The following MDGA2 variants were observed in gnomAD, a reference collection of about 807,000 sequenced individuals.
MDGA2 encodes MAM domain-containing glycosylphosphatidylinositol anchor protein 2.
Under a neutral mutation model 117.8 loss-of-function variants are expected in MDGA2, and 40 were observed. The observed-to-expected ratio is 0.34, with a 90% CI of 0.26 to 0.44. MDGA2 has a LOEUF of 0.44. MDGA2 is among the 20% of genes least tolerant of loss of function. MDGA2 has a pLI of 1.00. For missense variants in MDGA2, 1,123 were observed against 1,250.6 expected (o/e 0.90, Z 1.54); for synonymous variants, 452 against 439.0 (o/e 1.03, Z -0.37).
chr14:47,174,126 A>G (rs1884319815), intron 3 of MDGA2, among the ~76,000 whole-genome samples: 1 of 152,220 alleles, frequency 6.6e-6, no homozygotes, highest in Non-Finnish European at 1.5e-5. Flanking sequence ...CACCCAATAC[A>G]GGAGCACCCA....
intron 10 of MDGA2, among the ~76,000 whole-genome samples, chr14:46,896,563 C>T (rs1230238955): frequency 1.3e-5 from 2 of 151,800 alleles, no homozygotes; most frequent in Non-Finnish European, 2.9e-5. Context: ...TTTATAATCC[C>T]AATTTTAATA....
intron 1 of MDGA2, among the ~76,000 whole-genome samples, chr14:47,570,116 T>C (rs1349022395): frequency 2.0e-5 from 3 of 152,158 alleles, no homozygotes; most frequent in Non-Finnish European, 2.9e-5. Context: ...CCAGATAAGA[T>C]GCCATAAAAT....
chr14:47,402,230 C>A (rs1170882651), intron 1 of MDGA2, among the ~76,000 whole-genome samples: 1 of 151,968 alleles, frequency 6.6e-6, no homozygotes, highest in African/African-American at 2.4e-5. Context: ...GAATGTTACA[C>A]TGGCAAACCA....
chr14:47,477,181 A>G (rs1365386535), intron 1 of MDGA2, among the ~76,000 whole-genome samples: 1 of 152,200 alleles, frequency 6.6e-6, no homozygotes, highest in Non-Finnish European at 1.5e-5. Flanking sequence ...AAATAAAAAT[A>G]ACATCCACAT....
chr14:47,544,528 G>A (rs926300754), intron 1 of MDGA2, among the ~76,000 whole-genome samples: 3 of 152,094 alleles, frequency 2.0e-5, no homozygotes, highest in South Asian at 2.1e-4. Flanking sequence ...ATGCTTCCTC[G>A]TAAGATAGTG....
At chr14:46,969,299 G>A (rs1433088214) in intron 8 of MDGA2, among the ~76,000 whole-genome samples, 1 of 152,172 alleles carries the variant, frequency 6.6e-6, no homozygotes, top group Non-Finnish European at 1.5e-5. Context: ...GGTATTTCCA[G>A]TTCTAGATCC....
At chr14:47,166,108 T>A (rs1355482522) in intron 3 of MDGA2, among the ~76,000 whole-genome samples, 3 of 148,594 alleles carry the variant, frequency 2.0e-5, no homozygotes. Context: ...TGATCCTGAC[T>A]CACTGCAACC....
intron 2 of MDGA2, among the ~76,000 whole-genome samples, chr14:47,257,753 C>A (rs1594757178): frequency 6.6e-6 from 1 of 152,140 alleles, no homozygotes; most frequent in Non-Finnish European, 1.5e-5. Flanking sequence ...ACAGGAAGAA[C>A]AGAGGAGTCT....
intron 3 of MDGA2, among the ~76,000 whole-genome samples, chr14:47,212,818 C>T (rs370702683): frequency 1.3e-5 from 2 of 152,210 alleles, no homozygotes; most frequent in African/African-American, 2.4e-5. Flanking sequence ...TAATAACTCA[C>T]GTATTTTGTA....
At chr14:46,989,522 G>T in intron 8 of MDGA2, among the ~76,000 whole-genome samples, 1 of 152,038 alleles carries the variant, frequency 6.6e-6, no homozygotes, top group East Asian at 1.9e-4. Context: ...TACTATCATA[G>T]GAAAGACTAA....
intron 1 of MDGA2, among the ~76,000 whole-genome samples, chr14:47,471,252 G>GTT (rs35098377): frequency 3.5e-3 from 511 of 147,482 alleles, no homozygotes; most frequent in Admixed American, 4.3e-3. Flanking sequence ...TATTAATGGA[G>GTT]TTTTTTTTTT....
intron 3 of MDGA2, among the ~76,000 whole-genome samples, chr14:47,192,278 T>C (rs1885143055): frequency 6.6e-6 from 1 of 151,954 alleles, no homozygotes; most frequent in Admixed American, 6.6e-5. Context: ...AAGAGAAATT[T>C]GGGACAGACC....
intron 2 of MDGA2, among the ~76,000 whole-genome samples, chr14:47,222,553 A>C (rs1050649429): frequency 6.6e-6 from 1 of 152,140 alleles, no homozygotes; most frequent in Non-Finnish European, 1.5e-5. Context: ...CAACTTTTTA[A>C]GTTAAGAGGA....
chr14:47,331,896 A>G (rs1465238262), intron 1 of MDGA2, among the ~76,000 whole-genome samples: 2 of 151,986 alleles, frequency 1.3e-5, no homozygotes, highest in East Asian at 1.9e-4. Flanking sequence ...ATGTTTTTCT[A>G]AAAGGAAATC....
chr14:47,650,703 A>C (rs1897624322), intron 1 of MDGA2, among the ~76,000 whole-genome samples: 1 of 152,204 alleles, frequency 6.6e-6, no homozygotes, highest in African/African-American at 2.4e-5. Context: ...AAAATGCATA[A>C]ATGAATGAAT....
chr14:46,880,264 G>A (rs760804241), intron 11 of MDGA2, among the ~76,000 whole-genome samples: 4 of 152,042 alleles, frequency 2.6e-5, no homozygotes, highest in Non-Finnish European at 4.4e-5. Context: ...GGCGGAGGTT[G>A]CAGTGAGTTG....
intron 3 of MDGA2, among the ~76,000 whole-genome samples, chr14:47,146,283 G>T (rs1010965473): frequency 2.0e-5 from 3 of 151,974 alleles, no homozygotes; most frequent in Admixed American, 1.3e-4. Context: ...ACATTCTGAG[G>T]GCTTTTTTTC....
intron 2 of MDGA2, among the ~76,000 whole-genome samples, chr14:47,269,274 G>T (rs1251025126): frequency 6.6e-6 from 1 of 152,026 alleles, no homozygotes; most frequent in East Asian, 1.9e-4. Flanking sequence ...CCTTTGAAAC[G>T]ATCCATGGTC....
intron 7 of MDGA2, among the ~76,000 whole-genome samples, chr14:47,049,238 A>G (rs1889368586): frequency 1.3e-5 from 2 of 152,118 alleles, no homozygotes; most frequent in South Asian, 4.1e-4. Flanking sequence ...CACATACTTA[A>G]ATTACCAGCA....
Sources: allele counts gnomAD v4.1 joint callset (sites outside exome capture counted in the v4.1 genomes callset), GRCh38; gene constraint gnomAD v4.1.1; transcripts MANE v1.5; gene names NCBI Gene and HGNC (gene_info 2026-07-23, HGNC 2026-07-21).